The following ZNF438 variants were observed in gnomAD, a reference collection of about 807,000 sequenced individuals.
The protein encoded by ZNF438 is zinc finger protein 438.
ZNF438 carries 25 observed loss-of-function variants against 38.0 expected under a neutral mutation model. The ratio of observed to expected loss-of-function variants is 0.66; its 90% CI spans 0.48 to 0.92. The LOEUF (loss-of-function observed/expected upper bound fraction) is 0.92. Among genes scored for constraint, ZNF438 ranks in the 40% least tolerant of loss-of-function variants. The pLI is 0.00. For synonymous variants in ZNF438, 372 were observed against 364.1 expected, an observed-to-expected ratio of 1.02 and a Z score of -0.25; for missense variants, 1,007 against 999.6, an observed-to-expected ratio of 1.01 and a Z score of -0.10.
At chr10:30,943,093 C>A (rs2046989359) in intron 1 of ZNF438, among the ~76,000 whole-genome samples, 1 of 151,968 alleles carries the variant, frequency 6.6e-6, no homozygotes, top group Non-Finnish European at 1.5e-5. Context: ...GAATCTTTAA[C>A]AAGGTTTTTG....
At chr10:30,990,091 G>C (rs955203166) in intron 1 of ZNF438, among the ~76,000 whole-genome samples, 2 of 151,992 alleles carry the variant, frequency 1.3e-5, no homozygotes, top group South Asian at 4.1e-4. Context: ...TAACTAATAC[G>C]TTAAATTCTA....
intron 1 of ZNF438, among the ~76,000 whole-genome samples, chr10:30,946,797 C>G (rs1206148099): frequency 1.3e-5 from 2 of 152,174 alleles, no homozygotes; most frequent in East Asian, 3.9e-4. Flanking sequence ...TTCCCTTTTC[C>G]CTTTTTTTCC....
At chr10:30,903,392 T>G (rs2042258261) in intron 3 of ZNF438, among the ~76,000 whole-genome samples, 1 of 152,198 alleles carries the variant, frequency 6.6e-6, no homozygotes, top group Non-Finnish European at 1.5e-5. Context: ...CACTTCTACA[T>G]AACTGGAGAA....
intron 1 of ZNF438, among the ~76,000 whole-genome samples, chr10:31,020,883 C>G (rs914863685): frequency 3.3e-5 from 5 of 151,770 alleles, no homozygotes; most frequent in Admixed American, 6.6e-5. Context: ...GGTCTGTCAA[C>G]AGAGACAAGA....
At chr10:30,980,441 G>GTATTTCATTTGC (rs2051995284) in intron 1 of ZNF438, among the ~76,000 whole-genome samples, 1 of 151,978 alleles carries the variant, frequency 6.6e-6, no homozygotes, top group African/African-American at 2.4e-5. Context: ...TTGAAAGGCA[G>GTATTTCATTTGC]GCATATAAGC....
intron 1 of ZNF438, among the ~76,000 whole-genome samples, chr10:30,994,181 T>C (rs1469582772): frequency 6.6e-6 from 1 of 152,212 alleles, no homozygotes; most frequent in East Asian, 1.9e-4. Flanking sequence ...GAATGCATGA[T>C]AGAATGAATG....
intron 1 of ZNF438, among the ~76,000 whole-genome samples, chr10:30,964,071 C>G (rs1412163007): frequency 6.6e-6 from 1 of 152,068 alleles, no homozygotes; most frequent in Non-Finnish European, 1.5e-5. Context: ...TAGGTGGAAG[C>G]TTTTCTGAAA....
intron 3 of ZNF438, among the ~76,000 whole-genome samples, chr10:30,903,181 C>A (rs1005698488): frequency 1.3e-5 from 2 of 152,214 alleles, no homozygotes; most frequent in Non-Finnish European, 2.9e-5. Context: ...GTGCCTCTCC[C>A]TCCACACCTC....
chr10:30,847,012 G>A (rs180766196), intron 5 of ZNF438, among the ~76,000 whole-genome samples: 27 of 152,358 alleles, frequency 1.8e-4, no homozygotes, highest in Middle Eastern at 6.8e-3. Flanking sequence ...AAGCATGGAA[G>A]GGAGGCTGAG....
chr10:31,031,231 T>C (rs1266280799), intron 1 of ZNF438, among the ~76,000 whole-genome samples: 3 of 152,162 alleles, frequency 2.0e-5, no homozygotes, highest in Non-Finnish European at 4.4e-5. Context: ...GTGTATAAGC[T>C]TTCTCCTAGC....
intron 1 of ZNF438, among the ~76,000 whole-genome samples, chr10:30,951,445 G>C (rs1054870527): frequency 3.9e-5 from 6 of 152,152 alleles, no homozygotes; most frequent in Admixed American, 3.9e-4. Flanking sequence ...ATTAGGAAAA[G>C]AGGAAGTCAA....
chr10:30,923,762 AGGAG>A lies in ZNF438; in HGVS notation c.-114-14751_-114-14748del, dbSNP rs566398218. Among the ~76,000 whole-genome samples the A allele has an allele frequency of 4.7e-3, 722 of 152,324 alleles. 1 individual carries two copies. The highest frequency in any genetic ancestry group is 0.019 in the South Asian group (91 of 4,822). ...AAGGCAGCAAAAGCACTTCCTTGAT[AGGAG>A]GAAAAACACCTTCTTTAGGAATCTG... is the stretch of plus-strand genomic sequence containing the variant. On this transcript the variant is annotated intron_variant, in intron 2 of 5. Transcript: ENST00000413025.
At chr10:30,990,224 G>A (rs1676036237) in intron 1 of ZNF438, among the ~76,000 whole-genome samples, 1 of 152,008 alleles carries the variant, frequency 6.6e-6, no homozygotes, top group African/African-American at 2.4e-5. Flanking sequence ...TGTCTTTTGA[G>A]AACTCTGGGT....
intron 2 of ZNF438, among the ~76,000 whole-genome samples, chr10:30,916,301 A>G (rs1289518250): frequency 5.9e-5 from 9 of 152,058 alleles, no homozygotes; most frequent in Non-Finnish European, 1.2e-4. Flanking sequence ...AAGTATCCTT[A>G]AAGATTATTT....
At chr10:30,941,587 G>C (rs1288534493) in exon 2 of ZNF438, 1 of 152,154 alleles carries the variant, frequency 6.6e-6, no homozygotes, top group African/African-American at 2.4e-5. Context: ...GAAGTGATTT[G>C]ACTTAGCAAA....
At chr10:30,944,441 T>G (rs559029763) in intron 1 of ZNF438, among the ~76,000 whole-genome samples, 1 of 152,306 alleles carries the variant, frequency 6.6e-6, no homozygotes, top group East Asian at 1.9e-4. Context: ...ATTGGTCCCT[T>G]CAAACTCCAC....
chr10:30,974,352 A>T lies in ZNF438; in HGVS notation c.-191-32701T>A, dbSNP rs369386217. ...GCCGAGGCTGGTGATGCGTGCCTGTAGTCCCAGCTACTCAGGGGACTGAGG... is the reference window on the plus strand; with the variant it reads ...GCCGAGGCTGGTGATGCGTGCCTGTTGTCCCAGCTACTCAGGGGACTGAGG... On this transcript the variant is annotated intron_variant, in intron 1 of 5. Coordinates refer to ENST00000413025, the Ensembl canonical transcript of ZNF438. 2.6e-5 allele frequency among the ~76,000 whole-genome samples: 4 copies of T among 152,332 alleles called. No homozygotes were observed. In the East Asian group the frequency reaches 7.7e-4, roughly 29 times the overall value.
intron 2 of ZNF438, chr10:30,919,072 T>A (rs916245451): frequency 6.6e-6 from 1 of 152,254 alleles, no homozygotes; most frequent in Non-Finnish European, 1.5e-5. Flanking sequence ...CTCTGAGGAT[T>A]CCTACTTGGC....
At chr10:30,872,425 CAAAAAAAAAAAAAAAAAAAAAAA>C (rs566401687) in intron 4 of ZNF438, among the ~76,000 whole-genome samples, 29,965 of 58,006 alleles carry the variant, frequency 0.52, 5,815 homozygotes, top group African/African-American at 0.6. Context: ...GACTCTGTCT[CAAAAAAAAAAAAAAAAAAAAAAA>C]AAAAAAAAAA....
Sources: gnomAD v4.1 joint callset for allele counts (sites outside exome capture counted in the v4.1 genomes callset) on GRCh38, gnomAD v4.1.1 for gene constraint, MANE v1.5 for transcripts, NCBI Gene and HGNC (gene_info 2026-07-23, HGNC 2026-07-21) for gene names.